The following CCDC88A variants were observed in gnomAD, a reference collection of about 807,000 sequenced individuals.
The protein encoded by CCDC88A is coiled-coil and HOOK domain protein 88A.
CCDC88A carries 54 observed loss-of-function variants against 234.3 expected under a neutral mutation model. The ratio of observed to expected loss-of-function variants is 0.23; its 90% CI spans 0.19 to 0.29. The LOEUF is 0.29. Among genes scored for constraint, CCDC88A ranks in the 10% least tolerant of loss-of-function variants. The pLI is 1.00. For synonymous variants in CCDC88A, 753 were observed against 737.8 expected, an observed-to-expected ratio of 1.02 and a Z score of -0.33; for missense variants, 1,832 against 2,123.4, an observed-to-expected ratio of 0.86 and a Z score of 2.70.
In CCDC88A at chr2:55,295,907, C is replaced by T. The variant is rs777583949; in HGVS notation, c.5241G>A (p.Arg1747=). 4 of 1,613,966 alleles carry T rather than the reference C, an allele frequency of 2.5e-6. No homozygotes were observed. The African/African-American group carries it at 4.0e-5, about 16-fold the overall frequency. The change falls in exon 31 of 33, where the codon CGG becomes CGA. Residue 1747 remains arginine, a synonymous_variant. Transcript: ENST00000436346. ...GKTPGDFYDR[R]TTKPEFLRPG... ...GTCTCAAAAACTCAGGCTTAGTTGT[C>T]CGTCTATCATAGAAGTCCCCTGGGG...
intron 2 of CCDC88A, among the ~76,000 whole-genome samples, chr2:55,410,365 A>G (rs1680272565): frequency 6.6e-6 from 1 of 152,242 alleles, no homozygotes; most frequent in Admixed American, 6.5e-5. Context: ...TATGAATTCT[A>G]AATTCCACAG....
Position 55,335,291 on chromosome 2 carries a change from C to T in CCDC88A, c.1657-127G>A, listed in dbSNP as rs1024462091. 2.0e-5 allele frequency: 11 copies of T among 543,532 alleles called. No individual in the cohort carries two copies. Among genetic ancestry groups the T allele is most frequent in the Non-Finnish European group, 3.1e-5 (10 of 326,828 alleles). The allele number at this position is 543,532 out of a possible 1,614,324, so 33.7% of individuals were successfully genotyped here. ...GCTAGAACATGTCTTACTTTTAATT[C>T]TGACAAGTATTTACTGAAGACCACT... On this transcript the variant is annotated intron_variant, in intron 14 of 32. Transcript: ENST00000436346. The surrounding 1 kb of genome is among the most constrained non-coding windows in gnomAD (Gnocchi z 4.5).
chr2:55,315,907 G>A, intron 22 of CCDC88A, 21 bp downstream of exon 22: 1 of 1,414,676 alleles, frequency 7.1e-7, no homozygotes, highest in Non-Finnish European at 9.4e-7. Context: ...AGGACACAGT[G>A]ATTAAACTTT....
At position 55,328,172 on chromosome 2, in the gene CCDC88A, A is replaced by C; in HGVS notation, c.2997+122T>G. ...TAAGAATATTCTCAAGTTTATGAAA[A>C]AGGAAGAAATAGACTAAATATCAAT... On this transcript the variant is annotated intron_variant, in intron 17 of 32. Transcript: ENST00000436346. This position sits in a 1 kb window ranked among gnomAD's most constrained non-coding sequence, Gnocchi z 4.3. The C allele has an allele frequency of 1.3e-6, 1 of 785,784 alleles. No individual in the cohort carries two copies. Among genetic ancestry groups the C allele is most frequent in the South Asian group, 1.9e-5 (1 of 51,622 alleles). The allele number at this position is 785,784 out of a possible 1,614,324, so 48.7% of individuals were successfully genotyped here.
chr2:55,291,641 A>G (rs965344649), intron 32 of CCDC88A, 35 bp downstream of exon 32: 2 of 949,984 alleles, frequency 2.1e-6, no homozygotes, highest in Non-Finnish European at 3.3e-6. Flanking sequence ...TATAAATGAG[A>G]CTAATCTCAT....
intron 5 of CCDC88A, among the ~76,000 whole-genome samples, chr2:55,366,564 C>T (rs1163741327): frequency 6.6e-6 from 1 of 151,060 alleles, no homozygotes; most frequent in African/African-American, 2.4e-5. Flanking sequence ...CACACACACA[C>T]ACACACACAC....
intron 18 of CCDC88A, among the ~76,000 whole-genome samples, chr2:55,320,498 G>A (rs986910999): frequency 7.9e-5 from 12 of 151,938 alleles, no homozygotes; most frequent in African/African-American, 2.9e-4. Flanking sequence ...ATGATATGAA[G>A]TAATTTTTTT....
Position 55,389,327 on chromosome 2 carries a change from G to A in CCDC88A, c.165-441C>T, listed in dbSNP as rs148344436. Among the ~76,000 whole-genome samples the A allele has an allele frequency of 3.3e-3, 509 of 152,284 alleles. 3 individuals are homozygous for A. The highest frequency in any genetic ancestry group is 0.01 in the African/African-American group (432 of 41,556). ...CCCAGAGAAATTCAAGGTTAAAGTG[G>A]ATGACACAGGTTAGTACTTTTATTT... On this transcript the variant is annotated intron_variant, in intron 2 of 32. Coordinates refer to ENST00000436346, the MANE Select transcript of CCDC88A (RefSeq NM_001365480.1).
intron 10 of CCDC88A, chr2:55,345,334 T>A (rs1386422726): frequency 6.6e-6 from 1 of 152,202 alleles, no homozygotes; most frequent in Non-Finnish European, 1.5e-5. Context: ...ATACTGAAAC[T>A]GACCAAAATC....
chr2:55,349,655 A>G, intron 8 of CCDC88A, 56 bp from the exon 9 acceptor site: 1 of 1,140,314 alleles, frequency 8.8e-7, no homozygotes, highest in Non-Finnish European at 1.3e-6. Flanking sequence ...TGTGATCATC[A>G]TCTGCGTTAA....
chr2:55,357,280 T>C (rs1205538412), intron 7 of CCDC88A, among the ~76,000 whole-genome samples: 2 of 152,032 alleles, frequency 1.3e-5, no homozygotes, highest in Non-Finnish European at 2.9e-5. Flanking sequence ...GATAGATTCC[T>C]TCCTTCCTTC....
At chr2:55,349,978 G>C (rs756516609) in intron 8 of CCDC88A, 105 of 157,012 alleles carry the variant, frequency 6.7e-4, no homozygotes, top group Non-Finnish European at 1.1e-3. Flanking sequence ...ACCCAGGCTG[G>C]AGTGCAATGG....
At chr2:55,351,521 A>G (rs905711752) in intron 8 of CCDC88A, among the ~76,000 whole-genome samples, 2 of 151,928 alleles carry the variant, frequency 1.3e-5, no homozygotes, top group African/African-American at 2.4e-5. Context: ...ATTTTTAAAA[A>G]TTATTTGTAG....
At chr2:55,367,130 C>G (rs950520552) in intron 5 of CCDC88A, among the ~76,000 whole-genome samples, 1 of 152,132 alleles carries the variant, frequency 6.6e-6, no homozygotes, top group African/African-American at 2.4e-5. Flanking sequence ...AGACATTACG[C>G]TAAGTGAAAT....
intron 5 of CCDC88A, among the ~76,000 whole-genome samples, chr2:55,369,252 C>A (rs1284849235): frequency 3.9e-5 from 6 of 152,080 alleles, no homozygotes; most frequent in Non-Finnish European, 8.8e-5. Flanking sequence ...CCAGGCTGGT[C>A]TGGAACTCCT....
In CCDC88A at chr2:55,407,436, C is replaced by T. The variant is rs1018970695; in HGVS notation, c.164+11380G>A. ...CCTGGCCAACATGGTGAAATCCCGTCTCTACTAAAAATACAAAAATTAGCC... is the reference window on the plus strand; with the variant it reads ...CCTGGCCAACATGGTGAAATCCCGTTTCTACTAAAAATACAAAAATTAGCC... On this transcript the variant is annotated intron_variant, in intron 2 of 32. Coordinates refer to ENST00000436346, the MANE Select transcript of CCDC88A (RefSeq NM_001365480.1). 1.1e-4 allele frequency among the ~76,000 whole-genome samples: 16 copies of T among 150,738 alleles called. 1 individual carries two copies. Among genetic ancestry groups the T allele is most frequent in the African/African-American group, 3.9e-4 (16 of 40,886 alleles).
intron 2 of CCDC88A, among the ~76,000 whole-genome samples, chr2:55,413,927 G>A (rs931574117): frequency 3.3e-5 from 5 of 151,278 alleles, no homozygotes; most frequent in African/African-American, 4.9e-5. Flanking sequence ...ACTCCAGCCC[G>A]GGCAACAGAA....
intron 10 of CCDC88A, chr2:55,345,420 G>C (rs762556173): frequency 6.6e-6 from 1 of 151,570 alleles, no homozygotes; most frequent in Non-Finnish European, 1.5e-5. Context: ...TGTTTTGTTT[G>C]AGACAGAGTC....
chr2:55,354,961 G>C (rs911242666), intron 8 of CCDC88A, among the ~76,000 whole-genome samples: 1 of 148,278 alleles, frequency 6.7e-6, no homozygotes, highest in Non-Finnish European at 1.5e-5. Context: ...GCCTACACAG[G>C]GTCAGGAACA....
Sources: gnomAD v4.1 joint callset for allele counts (sites outside exome capture counted in the v4.1 genomes callset) on GRCh38, gnomAD v4.1.1 for gene constraint, Gnocchi (gnomAD v3.1) non-coding constraint, MANE v1.5 for transcripts, NCBI Gene and HGNC (gene_info 2026-07-23, HGNC 2026-07-21) for gene names.